The following RIN2 variants were observed in gnomAD, a reference collection of about 807,000 sequenced individuals.
RIN2 encodes Ras and Rab interactor 2.
In RIN2, 36 loss-of-function variants were observed where a neutral mutation model predicts 78.0. The observed-to-expected ratio is 0.46, with a 90% CI of 0.35 to 0.61. The LOEUF (loss-of-function observed/expected upper bound fraction) is 0.61. Among genes scored for constraint, RIN2 ranks in the 20% least tolerant of loss-of-function variants. The probability of loss-of-function intolerance (pLI) is 0.00; values close to 1 mark genes in which losing one functional copy is unlikely to be tolerated. For missense variants in RIN2, 1,087 were observed against 1,159.7 expected (o/e 0.94, Z 0.91); for synonymous variants, 466 against 466.8 (o/e 1.00, Z 0.02).
chr20:19,886,762 C>G, intron 2 of RIN2: 1 of 1,540,424 alleles, frequency 6.5e-7, no homozygotes, highest in Non-Finnish European at 8.8e-7. Flanking sequence ...GGAGGAATTT[C>G]ACAGCCTCTC....
intron 4 of RIN2, among the ~76,000 whole-genome samples, chr20:19,937,080 G>T (rs558753989): frequency 2.3e-4 from 35 of 152,352 alleles, no homozygotes; most frequent in African/African-American, 8.2e-4. Flanking sequence ...GTGCTGTGGG[G>T]AAAAAGCTAC....
chr20:19,773,490 C>T (rs1297575849), intron 1 of RIN2, among the ~76,000 whole-genome samples: 1 of 152,142 alleles, frequency 6.6e-6, no homozygotes, highest in Non-Finnish European at 1.5e-5. Context: ...TGAGTTGCCT[C>T]CATCTTGTCT....
intron 2 of RIN2, among the ~76,000 whole-genome samples, chr20:19,870,860 G>A (rs566621208): frequency 6.6e-5 from 10 of 152,312 alleles, no homozygotes; most frequent in Admixed American, 2.0e-4. Context: ...ACGTCTGGAG[G>A]AACACAGCAT....
chr20:19,802,788 T>A (rs1021394494), intron 2 of RIN2, among the ~76,000 whole-genome samples: 47 of 152,176 alleles, frequency 3.1e-4, no homozygotes, highest in Admixed American at 3.3e-4. Flanking sequence ...CACCAAGGAG[T>A]GCTCTGGCAC....
chr20:19,961,814 T>G (rs1051927167), intron 6 of RIN2, among the ~76,000 whole-genome samples: 4 of 152,028 alleles, frequency 2.6e-5, no homozygotes, highest in Non-Finnish European at 5.9e-5. Flanking sequence ...AGGGAAAAAC[T>G]TCCCCCTGAA....
chr20:19,964,862 A>C, intron 6 of RIN2, 90 bp from the exon 7 acceptor site: 1 of 1,085,348 alleles, frequency 9.2e-7, no homozygotes, highest in Non-Finnish European at 1.4e-6. Context: ...GAGAGTACTC[A>C]GATGGTCCCA....
At chr20:19,790,413 C>A (rs2034851265) in intron 1 of RIN2, among the ~76,000 whole-genome samples, 1 of 152,130 alleles carries the variant, frequency 6.6e-6, no homozygotes, top group Non-Finnish European at 1.5e-5. Flanking sequence ...GGGAAGGGGA[C>A]TTTTTATCCT....
intron 1 of RIN2, among the ~76,000 whole-genome samples, chr20:19,788,668 T>A: frequency 6.8e-6 from 1 of 146,660 alleles, no homozygotes; most frequent in Non-Finnish European, 1.5e-5. Context: ...AAGTAGAAAA[T>A]TAAATAGAAA....
At chr20:19,907,551 T>C (rs540094419) in intron 3 of RIN2, among the ~76,000 whole-genome samples, 1 of 152,248 alleles carries the variant, frequency 6.6e-6, no homozygotes, top group South Asian at 2.1e-4. Context: ...CACTTATTAC[T>C]TCAAGGAAGG....
At chr20:19,810,710 G>A (rs867272164) in intron 2 of RIN2, among the ~76,000 whole-genome samples, 2 of 18,696 alleles carry the variant, frequency 1.1e-4, no homozygotes, top group African/African-American at 2.6e-4. Context: ...TTTTTTTTTT[G>A]AGACGGAGTC....
chr20:19,984,541 T>C (rs1276902912), intron 9 of RIN2, among the ~76,000 whole-genome samples: 1 of 152,050 alleles, frequency 6.6e-6, no homozygotes, highest in Admixed American at 6.5e-5. Flanking sequence ...CTGAGGTGGG[T>C]GGATCACCTG....
At chr20:19,873,189 A>G (rs963664951) in intron 2 of RIN2, among the ~76,000 whole-genome samples, 2 of 151,882 alleles carry the variant, frequency 1.3e-5, no homozygotes, top group African/African-American at 4.8e-5. Flanking sequence ...CAGTGGTGCA[A>G]TCTCGGCTCA....
intron 7 of RIN2, among the ~76,000 whole-genome samples, chr20:19,966,958 C>T (rs2041960677): frequency 6.6e-6 from 1 of 152,118 alleles, no homozygotes; most frequent in Non-Finnish European, 1.5e-5. Context: ...CAGGGAACCA[C>T]ACCTGGTATG....
chr20:19,881,208 C>T (rs2038018142), intron 2 of RIN2, among the ~76,000 whole-genome samples: 1 of 152,204 alleles, frequency 6.6e-6, no homozygotes, highest in African/African-American at 2.4e-5. Context: ...GTTAAAATTT[C>T]ATGAACTTTC....
At chr20:19,957,179 T>C (rs1324231533) in intron 5 of RIN2, among the ~76,000 whole-genome samples, 1 of 152,198 alleles carries the variant, frequency 6.6e-6, no homozygotes, top group Non-Finnish European at 1.5e-5. Flanking sequence ...CTTCTGAGCC[T>C]GGGAGCCCTG....
rs1253391639 is a variant in RIN2 at position 19,975,506 on chromosome 20, A to G, written c.1481A>G (p.Lys494Arg). Residue 494 changes from lysine (K) to arginine (R), a missense_variant, in exon 9 of 13, where the codon AAG becomes AGG. Transcript: ENST00000255006. The surrounding 1 kb of genome is among the most constrained non-coding windows in gnomAD (Gnocchi z 4.9). ...TCCTTCGTGCTGCCCAAGCTCGTCA[A>G]GTCCCAGCTGCAGAAGGTGAGCGGG... Reference protein sequence around the residue: ...SSSFVLPKLVKSQLQKVSGVF... With the variant: ...SSSFVLPKLVRSQLQKVSGVF... 1.2e-6 allele frequency: 2 copies of G among 1,614,060 alleles called. No individual in the cohort carries two copies. Among genetic ancestry groups the G allele is most frequent in the Non-Finnish European group, 1.7e-6 (2 of 1,179,896 alleles).
At chr20:19,977,060 C>T (rs2042299830) in intron 9 of RIN2, among the ~76,000 whole-genome samples, 1 of 152,194 alleles carries the variant, frequency 6.6e-6, no homozygotes, top group Non-Finnish European at 1.5e-5. Context: ...ATCAAGGAGA[C>T]AGCAGAATAT....
chr20:19,970,791 A>G, intron 7 of RIN2, 47 bp from the exon 8 acceptor site: 1 of 1,403,506 alleles, frequency 7.1e-7, no homozygotes, highest in Non-Finnish European at 1.0e-6. Context: ...ACAAGATAGA[A>G]AGCAGACATG....
chr20:19,864,088 G>A (rs1361214885), intron 2 of RIN2, among the ~76,000 whole-genome samples: 1 of 151,798 alleles, frequency 6.6e-6, no homozygotes, highest in Non-Finnish European at 1.5e-5. Context: ...TTATACGATG[G>A]ATATCCATGG....
Sources: allele counts gnomAD v4.1 joint callset (sites outside exome capture counted in the v4.1 genomes callset), GRCh38; gene constraint gnomAD v4.1.1; non-coding constraint Gnocchi (gnomAD v3.1); transcripts MANE v1.5; gene names NCBI Gene and HGNC (gene_info 2026-07-23, HGNC 2026-07-21).